Variants in MVB12B observed in about 807,000 individuals in gnomAD.
MVB12B encodes multivesicular body subunit 12B, also known as ESCRT-I complex subunit MVB12B.
Under a neutral mutation model 41.6 loss-of-function variants are expected in MVB12B, and 16 were observed. The ratio of observed to expected loss-of-function variants is 0.38; its 90% CI spans 0.26 to 0.58. MVB12B has a LOEUF of 0.58. Ranked by LOEUF, MVB12B falls within the 20% of genes least tolerant of loss-of-function variation. MVB12B has a pLI of 0.62. For missense variants in MVB12B, 274 were observed against 380.2 expected (o/e 0.72, Z 2.32); for synonymous variants, 133 against 139.7 (o/e 0.95, Z 0.34).
intron 7 of MVB12B, among the ~76,000 whole-genome samples, chr9:126,462,934 G>C (rs1260271229): frequency 6.6e-6 from 1 of 152,212 alleles, no homozygotes; most frequent in Admixed American, 6.5e-5. Context: ...CTGAAATCTG[G>C]GTAATTGATG....
intron 1 of MVB12B, among the ~76,000 whole-genome samples, chr9:126,337,155 T>A (rs1422621968): frequency 6.6e-6 from 1 of 152,152 alleles, no homozygotes; most frequent in Non-Finnish European, 1.5e-5. Context: ...GGCACAAGTT[T>A]CCCCATTTTG....
intron 9 of MVB12B, among the ~76,000 whole-genome samples, chr9:126,498,091 C>G (rs1833876135): frequency 6.6e-6 from 1 of 152,070 alleles, no homozygotes; most frequent in African/African-American, 2.4e-5. Flanking sequence ...CTCTCTCCTC[C>G]CGCAGCGTTT....
At chr9:126,476,749 T>C (rs1276953259) in intron 7 of MVB12B, among the ~76,000 whole-genome samples, 1 of 151,108 alleles carries the variant, frequency 6.6e-6, no homozygotes, top group Non-Finnish European at 1.5e-5. Context: ...TGGTGGCGGG[T>C]GCCTGTAGTC....
chr9:126,405,731 T>C (rs1815779488), intron 6 of MVB12B, among the ~76,000 whole-genome samples: 1 of 151,604 alleles, frequency 6.6e-6, no homozygotes. Flanking sequence ...GCCTTTTGAG[T>C]TTATTTGGGT....
At chr9:126,415,646 C>T (rs1831796574) in intron 6 of MVB12B, among the ~76,000 whole-genome samples, 1 of 152,124 alleles carries the variant, frequency 6.6e-6, no homozygotes, top group Admixed American at 6.5e-5. Flanking sequence ...GAAACTATCC[C>T]TAATTATAAG....
intron 8 of MVB12B, among the ~76,000 whole-genome samples, chr9:126,483,471 C>A (rs1446840094): frequency 4.6e-5 from 7 of 152,166 alleles, no homozygotes; most frequent in African/African-American, 1.7e-4. Context: ...CCTGGAATCC[C>A]CCCAGCTCCT....
intron 7 of MVB12B, among the ~76,000 whole-genome samples, chr9:126,453,237 A>ACCTCC (rs1181426100): frequency 6.6e-6 from 1 of 152,004 alleles, no homozygotes; most frequent in Non-Finnish European, 1.5e-5. Flanking sequence ...CAGACGTGCC[A>ACCTCC]CCTCCCCGTG....
Position 126,340,820 on chromosome 9 carries a change from C to T in MVB12B, c.204+190C>T, listed in dbSNP as rs1358093262. Among the ~76,000 whole-genome samples, 1 of 152,142 alleles carries T rather than the reference C, an allele frequency of 6.6e-6. No individual in the cohort carries two copies. The highest frequency in any genetic ancestry group is 6.5e-5 in the Admixed American group (1 of 15,276). On this transcript the variant is annotated intron_variant, in intron 2 of 9. Coordinates refer to ENST00000361171, the MANE Select transcript of MVB12B (RefSeq NM_033446.3). The surrounding 1 kb of genome is among the most constrained non-coding windows in gnomAD (Gnocchi z 4.0). ...TGAGCCCATCTGGGCCGTTTCCTGGCCTTGACCACCTCTGTGATGGTCATT... is the reference window on the plus strand; with the variant it reads ...TGAGCCCATCTGGGCCGTTTCCTGGTCTTGACCACCTCTGTGATGGTCATT...
At chr9:126,502,525 C>A (rs987534887) in intron 9 of MVB12B, among the ~76,000 whole-genome samples, 1 of 151,076 alleles carries the variant, frequency 6.6e-6, no homozygotes, top group African/African-American at 2.5e-5. Context: ...AGGGCTGAGC[C>A]GTGGAGGAAG....
At chr9:126,372,071 A>G (rs895235319) in intron 2 of MVB12B, among the ~76,000 whole-genome samples, 2 of 152,226 alleles carry the variant, frequency 1.3e-5, no homozygotes, top group Non-Finnish European at 2.9e-5. Flanking sequence ...TGGCAGCACC[A>G]ATCCACTTTC....
rs10733679 is a variant in MVB12B, at chr9:126,480,137, C to T, written c.758-1232C>T. 0.42 allele frequency among the ~76,000 whole-genome samples: 63,660 copies of T among 152,036 alleles called. 13,818 individuals are homozygous for T. The highest frequency in any genetic ancestry group is 0.7 in the East Asian group (3,614 of 5,158). On this transcript the variant is annotated intron_variant, in intron 7 of 9. Coordinates refer to ENST00000361171, the MANE Select transcript of MVB12B (RefSeq NM_033446.3). This position sits in a 1 kb window ranked among gnomAD's most constrained non-coding sequence, Gnocchi z 4.9. ...TACCTTGCTTCCATTGTGCTCACTC[C>T]GTTTCTCCCTGAAACCACAATTTAC...
intron 6 of MVB12B, among the ~76,000 whole-genome samples, chr9:126,406,138 A>G: frequency 6.6e-6 from 1 of 151,974 alleles, no homozygotes; most frequent in East Asian, 1.9e-4. Context: ...GATTCATCCA[A>G]GGGCAGAGAG....
chr9:126,396,925 C>T lies in MVB12B; in HGVS notation c.662+1228C>T, dbSNP rs186990957. The T allele has an allele frequency of 1.3e-4, 129 of 985,534 alleles. No homozygotes were observed. The African/African-American group carries it at 2.2e-3, about 17-fold the overall frequency. The allele number at this position is 985,534 out of a possible 1,614,324, so 61.0% of individuals were successfully genotyped here. A position where few individuals can be genotyped will look rare whatever the true frequency, so the allele number is the denominator to read the frequency against. On this transcript the variant is annotated intron_variant, in intron 6 of 9. Coordinates refer to ENST00000361171, the MANE Select transcript of MVB12B (RefSeq NM_033446.3). The stretch of plus-strand genomic sequence containing the variant: ...TCGCACTGCCCATCAGCACTTGTTC[C>T]TCACTTCTGAGCCAGAGCGCTGTCA...
intron 7 of MVB12B, among the ~76,000 whole-genome samples, chr9:126,474,628 A>G (rs1162747265): frequency 6.6e-6 from 1 of 152,180 alleles, no homozygotes; most frequent in Non-Finnish European, 1.5e-5. Context: ...TGCTGTGACC[A>G]CCATGAAAAC....
At chr9:126,373,751 A>G (rs897855650) in intron 2 of MVB12B, among the ~76,000 whole-genome samples, 1 of 152,226 alleles carries the variant, frequency 6.6e-6, no homozygotes, top group African/African-American at 2.4e-5. Context: ...GTGCTTCTCA[A>G]GTTTAAATCC....
chr9:126,453,724 C>G, intron 7 of MVB12B, among the ~76,000 whole-genome samples: 1 of 152,244 alleles, frequency 6.6e-6, no homozygotes, highest in Admixed American at 6.5e-5. Context: ...GGCACACTCT[C>G]ACGTGTACAT....
rs1000381528 is a variant in MVB12B, at chr9:126,503,583, C to T, written c.*320C>T. The T allele has an allele frequency of 4.8e-5, 19 of 392,324 alleles. No individual in the cohort carries two copies. The highest frequency in any genetic ancestry group is 2.5e-4 in the African/African-American group (12 of 48,248). 24.3% of individuals were successfully genotyped at this position (392,324 alleles called of 1,614,324 possible). A position where few individuals can be genotyped will look rare whatever the true frequency, so the allele number is the denominator to read the frequency against. On this transcript the variant is annotated 3_prime_UTR_variant, in exon 10 of 10. Transcript: ENST00000361171. ...CACCACGGAGTCACCCTGAGGGCCC[C>T]GGGCAGTTGCCCTGGCCGCCCAGTG...
At chr9:126,365,537 C>T (rs1287997494) in intron 2 of MVB12B, among the ~76,000 whole-genome samples, 1 of 151,996 alleles carries the variant, frequency 6.6e-6, no homozygotes, top group African/African-American at 2.4e-5. Context: ...GACAGGGTTT[C>T]ACCATGTTGG....
chr9:126,363,232 A>G (rs1588107790), intron 2 of MVB12B, among the ~76,000 whole-genome samples: 1 of 152,176 alleles, frequency 6.6e-6, no homozygotes, highest in Non-Finnish European at 1.5e-5. Flanking sequence ...TTTCTCTTAC[A>G]TTCAACAACC....
Sources: gnomAD v4.1 joint callset for allele counts (sites outside exome capture counted in the v4.1 genomes callset) on GRCh38, gnomAD v4.1.1 for gene constraint, Gnocchi (gnomAD v3.1) non-coding constraint, MANE v1.5 for transcripts, NCBI Gene and HGNC (gene_info 2026-07-23, HGNC 2026-07-21) for gene names.